Variants in SDK1 observed in about 807,000 individuals in gnomAD.
SDK1 encodes the protein protein sidekick-1.
In SDK1, 157 loss-of-function variants were observed where a neutral mutation model predicts 245.5. The ratio of observed to expected loss-of-function variants is 0.64; its 90% CI spans 0.56 to 0.73. SDK1 has a LOEUF of 0.73. Ranked by LOEUF, SDK1 falls within the 30% of genes least tolerant of loss-of-function variation. The pLI is 0.00. For missense variants in SDK1, 3,583 were observed against 3,002.3 expected (o/e 1.19, Z -4.52); for synonymous variants, 1,647 against 1,278.5 (o/e 1.29, Z -6.15).
At chr7:3,954,779 G>T (rs1025766419) in intron 7 of SDK1, among the ~76,000 whole-genome samples, 2 of 151,100 alleles carry the variant, frequency 1.3e-5, no homozygotes, top group South Asian at 2.1e-4. Flanking sequence ...TATTGTGAAG[G>T]TTAAATGCAA....
intron 1 of SDK1, among the ~76,000 whole-genome samples, chr7:3,595,954 T>G (rs1467057883): frequency 4.2e-5 from 6 of 142,490 alleles, no homozygotes; most frequent in African/African-American, 1.5e-4. Flanking sequence ...TAATGGGTAT[T>G]TTTTTTTTTT....
In SDK1 at chr7:4,149,400, G is replaced by A. The variant is rs749006531; in HGVS notation, c.4562G>A (p.Arg1521Gln). The change falls in exon 30 of 45, where the codon CGG (arginine) becomes CAG (glutamine). Residue 1521 changes from arginine (R) to glutamine (Q), a missense_variant. Coordinates refer to ENST00000404826, the MANE Select transcript of SDK1 (RefSeq NM_152744.4). ...ACCATGCAGGTGCGAGAGCTGCCTCGGGGTGAGTGGCAGACCTACTCCTCG... is the reference window on the plus strand; with the variant it reads ...ACCATGCAGGTGCGAGAGCTGCCTCAGGGTGAGTGGCAGACCTACTCCTCG... ...YFTMQVRELP[R>Q]GEWQTYSSSI... 9.5e-6 allele frequency: 15 copies of A among 1,581,686 alleles called. No individual in the cohort carries two copies. The highest frequency in any genetic ancestry group is 1.7e-4 in the Middle Eastern group (1 of 5,972).
intron 1 of SDK1, among the ~76,000 whole-genome samples, chr7:3,451,568 C>T (rs1295550232): frequency 6.6e-6 from 1 of 151,472 alleles, no homozygotes; most frequent in Non-Finnish European, 1.5e-5. Flanking sequence ...AGAAACAAGT[C>T]GATTTCATCT....
intron 40 of SDK1, among the ~76,000 whole-genome samples, chr7:4,229,599 C>A (rs1477751961): frequency 1.3e-5 from 2 of 151,778 alleles, no homozygotes; most frequent in African/African-American, 4.8e-5. Flanking sequence ...TCCTCAGGAG[C>A]AGGAAAGCAT....
chr7:4,195,880 G>A (rs1056613448), intron 35 of SDK1, among the ~76,000 whole-genome samples: 2 of 152,142 alleles, frequency 1.3e-5, no homozygotes. Flanking sequence ...GTGCCCTTGG[G>A]AGGGTGCCTC....
At chr7:4,118,519 C>A (rs566027783) in intron 25 of SDK1, among the ~76,000 whole-genome samples, 23 of 152,322 alleles carry the variant, frequency 1.5e-4, no homozygotes, top group African/African-American at 5.3e-4. Context: ...AAACAGTTGG[C>A]ATTCCTCAGG....
intron 5 of SDK1, among the ~76,000 whole-genome samples, chr7:3,922,041 A>G (rs891256629): frequency 2.0e-5 from 3 of 152,150 alleles, no homozygotes; most frequent in Non-Finnish European, 4.4e-5. Context: ...CCTCTCACCC[A>G]TGCTCCTCTG....
intron 1 of SDK1, among the ~76,000 whole-genome samples, chr7:3,410,879 G>A (rs879701532): frequency 5.3e-5 from 8 of 151,904 alleles, no homozygotes; most frequent in Admixed American, 3.3e-4. Context: ...GAGCTACCAC[G>A]CCCAGCCCAA....
intron 1 of SDK1, among the ~76,000 whole-genome samples, chr7:3,581,770 G>C (rs1201780147): frequency 6.6e-6 from 1 of 152,314 alleles, no homozygotes; most frequent in East Asian, 1.9e-4. Context: ...TGTTAGACTG[G>C]ATAAAGAAAA....
intron 4 of SDK1, among the ~76,000 whole-genome samples, chr7:3,644,735 T>C (rs892929347): frequency 2.3e-5 from 3 of 132,838 alleles, no homozygotes; most frequent in Non-Finnish European, 4.6e-5. Context: ...ATGGTGCCAC[T>C]GTACTCCAGC....
intron 22 of SDK1, among the ~76,000 whole-genome samples, chr7:4,088,848 A>G (rs1160415238): frequency 1.3e-5 from 2 of 152,204 alleles, no homozygotes; most frequent in Non-Finnish European, 2.9e-5. Flanking sequence ...TCATAAACAC[A>G]GTTTGGATTG....
At chr7:3,713,111 G>T (rs1785096270) in intron 4 of SDK1, among the ~76,000 whole-genome samples, 1 of 152,210 alleles carries the variant, frequency 6.6e-6, no homozygotes, top group South Asian at 2.1e-4. Context: ...TGCACAGCGG[G>T]GAGCAGGCTG....
chr7:3,535,497 C>G (rs1778857103), intron 1 of SDK1, among the ~76,000 whole-genome samples: 2 of 152,206 alleles, frequency 1.3e-5, no homozygotes, highest in African/African-American at 2.4e-5. Flanking sequence ...GGGGACCCAG[C>G]CAGGCTCAGT....
chr7:3,346,318 C>A (rs1454984122), intron 1 of SDK1, among the ~76,000 whole-genome samples: 1 of 152,050 alleles, frequency 6.6e-6, no homozygotes, highest in Non-Finnish European at 1.5e-5. Flanking sequence ...AGAGGTGTCA[C>A]CTGGGCTAGT....
At chr7:3,824,127 C>A (rs1483840305) in intron 5 of SDK1, among the ~76,000 whole-genome samples, 1 of 152,042 alleles carries the variant, frequency 6.6e-6, no homozygotes, top group Non-Finnish European at 1.5e-5. Context: ...CCACCCTGCT[C>A]CTGGTGAGGG....
chr7:3,852,750 C>CAAA lies in SDK1; in HGVS notation c.847+31191_847+31193dup, dbSNP rs35116493. 4.8e-3 allele frequency among the ~76,000 whole-genome samples: 134 copies of CAAA among 28,086 alleles called. 7 individuals are homozygous for CAAA. Among genetic ancestry groups the CAAA allele is most frequent in the African/African-American group, 0.015 (118 of 7,862 alleles). 18.4% of individuals were successfully genotyped at this position (28,086 alleles called of 152,430 possible). A position where few individuals can be genotyped will look rare whatever the true frequency, so the allele number is the denominator to read the frequency against. On this transcript the variant is annotated intron_variant, in intron 5 of 44. Transcript: ENST00000404826. ...TGGGAGACAGAGCAAGACTCCGTCT[C>CAAA]AAAAAAAAAAAAAAAAAAAAAAAAA...
chr7:3,940,942 A>G (rs1351217446), intron 5 of SDK1, among the ~76,000 whole-genome samples: 1 of 151,948 alleles, frequency 6.6e-6, no homozygotes, highest in Admixed American at 6.5e-5. Flanking sequence ...ATCACCGCCC[A>G]TGTACCCCCT....
At chr7:3,731,304 C>G (rs1779171143) in intron 4 of SDK1, among the ~76,000 whole-genome samples, 1 of 152,134 alleles carries the variant, frequency 6.6e-6, no homozygotes, top group African/African-American at 2.4e-5. Flanking sequence ...CATACAAGTG[C>G]TTCTACAAGC....
At chr7:4,160,221 G>T (rs1781025129) in intron 31 of SDK1, among the ~76,000 whole-genome samples, 1 of 152,192 alleles carries the variant, frequency 6.6e-6, no homozygotes, top group Admixed American at 6.5e-5. Flanking sequence ...CACAGTTGAG[G>T]TAATGTTTGC....
Sources: gnomAD v4.1 joint callset for allele counts (sites outside exome capture counted in the v4.1 genomes callset) on GRCh38, gnomAD v4.1.1 for gene constraint, MANE v1.5 for transcripts, NCBI Gene and HGNC (gene_info 2026-07-23, HGNC 2026-07-21) for gene names.